The following GRXCR1 variants were observed in gnomAD, a reference collection of about 807,000 sequenced individuals.
GRXCR1 encodes glutaredoxin and cysteine rich domain containing 1, also known as glutaredoxin domain-containing cysteine-rich protein 1.
Under a neutral mutation model 27.3 loss-of-function variants are expected in GRXCR1, and 27 were observed. The ratio of observed to expected loss-of-function variants is 0.99; its 90% confidence interval spans 0.73 to 1.37. The LOEUF is 1.37. Among genes scored for constraint, GRXCR1 ranks in the 40% most tolerant of loss-of-function variants. GRXCR1 has a pLI of 0.00. For synonymous variants in GRXCR1, 122 were observed against 131.1 expected, an observed-to-expected ratio of 0.93 and a Z score of 0.47; for missense variants, 379 against 354.4, an observed-to-expected ratio of 1.07 and a Z score of -0.56.
At chr4:42,995,439 A>G (rs1712123720) in intron 2 of GRXCR1, among the ~76,000 whole-genome samples, 1 of 152,162 alleles carries the variant, frequency 6.6e-6, no homozygotes, top group East Asian at 1.9e-4. Context: ...TGGAAAAAAC[A>G]TTTTTGTTTA....
chr4:42,976,066 T>C (rs1439504473), intron 2 of GRXCR1, among the ~76,000 whole-genome samples: 2 of 152,158 alleles, frequency 1.3e-5, no homozygotes, highest in Non-Finnish European at 2.9e-5. Flanking sequence ...ACTTTGCCTC[T>C]TTGAGTTTTG....
At chr4:42,922,079 A>T (rs957087786) in intron 1 of GRXCR1, among the ~76,000 whole-genome samples, 16 of 152,176 alleles carry the variant, frequency 1.1e-4, no homozygotes, top group Non-Finnish European at 8.8e-5. Context: ...CTCTGTCTAA[A>T]TATTAAGAAG....
chr4:42,927,431 C>T (rs889317820), intron 1 of GRXCR1, among the ~76,000 whole-genome samples: 1 of 151,956 alleles, frequency 6.6e-6, no homozygotes, highest in African/African-American at 2.4e-5. Context: ...CTGAGAATGG[C>T]ATCTGACAGT....
chr4:42,893,166 C>G lies in GRXCR1; in HGVS notation c.-101C>G. 1 of 1,259,390 alleles carries G rather than the reference C, an allele frequency of 7.9e-7. No individual in the cohort carries two copies. The allele number at this position is 1,259,390 out of a possible 1,614,324, so 78.0% of individuals were successfully genotyped here. ...GATGTTAGTTTCACAGGAGTGCTGC[C>G]ATCACTAGAATTGGCTCTGATATTG... is the stretch of plus-strand genomic sequence containing the variant. On this transcript the variant is annotated 5_prime_UTR_variant, in exon 1 of 4. Coordinates refer to ENST00000399770, the MANE Select transcript of GRXCR1 (RefSeq NM_001080476.3).
intron 1 of GRXCR1, among the ~76,000 whole-genome samples, chr4:42,952,181 A>C (rs1747897020): frequency 6.6e-6 from 1 of 152,166 alleles, no homozygotes. Context: ...AGCATATCCC[A>C]AACAAATGTG....
At chr4:42,931,366 T>C (rs1052125642) in intron 1 of GRXCR1, among the ~76,000 whole-genome samples, 4 of 151,994 alleles carry the variant, frequency 2.6e-5, no homozygotes, top group Non-Finnish European at 5.9e-5. Context: ...TTGGGGTATA[T>C]GGGACTTTTC....
intron 1 of GRXCR1, among the ~76,000 whole-genome samples, chr4:42,915,254 C>G (rs1235722442): frequency 6.6e-6 from 1 of 152,044 alleles, no homozygotes; most frequent in Non-Finnish European, 1.5e-5. Flanking sequence ...GCCATCATAG[C>G]AAAGAATGGG....
chr4:42,944,793 A>T (rs139954354), intron 1 of GRXCR1, among the ~76,000 whole-genome samples: 1 of 152,290 alleles, frequency 6.6e-6, no homozygotes, highest in East Asian at 1.9e-4. Context: ...TGCCCAAAGC[A>T]TGTGAAAAAT....
At chr4:42,982,934 C>G (rs1457451238) in intron 2 of GRXCR1, among the ~76,000 whole-genome samples, 3 of 151,004 alleles carry the variant, frequency 2.0e-5, no homozygotes, top group African/African-American at 7.4e-5. Flanking sequence ...TGTTTGAGTT[C>G]ATTGTAGATT....
intron 1 of GRXCR1, among the ~76,000 whole-genome samples, chr4:42,945,696 G>A (rs999300955): frequency 6.6e-6 from 1 of 152,108 alleles, no homozygotes; most frequent in Non-Finnish European, 1.5e-5. Flanking sequence ...TAGATGATGT[G>A]AAGGGCACAG....
At chr4:42,904,648 G>A (rs529783511) in intron 1 of GRXCR1, among the ~76,000 whole-genome samples, 6 of 152,192 alleles carry the variant, frequency 3.9e-5, no homozygotes, top group African/African-American at 1.2e-4. Context: ...GAGTTATTGT[G>A]TATAAAGCAT....
intron 2 of GRXCR1, among the ~76,000 whole-genome samples, chr4:42,970,809 C>G (rs1037248805): frequency 6.6e-6 from 1 of 152,288 alleles, no homozygotes; most frequent in East Asian, 1.9e-4. Context: ...TTTCTTCAGC[C>G]AGCAGCTTGA....
intron 3 of GRXCR1, among the ~76,000 whole-genome samples, chr4:43,027,089 A>C (rs922027619): frequency 3.3e-5 from 5 of 152,238 alleles, no homozygotes; most frequent in African/African-American, 1.2e-4. Flanking sequence ...ATGTGACCAC[A>C]AGCAGTTTAG....
At chr4:42,990,063 T>C (rs561074022) in intron 2 of GRXCR1, among the ~76,000 whole-genome samples, 1 of 151,994 alleles carries the variant, frequency 6.6e-6, no homozygotes, top group South Asian at 2.1e-4. Context: ...TTTTTCTGCC[T>C]TTTTTGTTTC....
At chr4:43,001,121 G>A (rs1194984091) in intron 2 of GRXCR1, among the ~76,000 whole-genome samples, 1 of 149,864 alleles carries the variant, frequency 6.7e-6, no homozygotes, top group Non-Finnish European at 1.5e-5. Context: ...TTTTTGGAGA[G>A]ACAAGGTTTC....
chr4:42,909,567 T>C (rs1746670787), intron 1 of GRXCR1, among the ~76,000 whole-genome samples: 1 of 152,186 alleles, frequency 6.6e-6, no homozygotes, highest in Admixed American at 6.5e-5. Context: ...GAAAGTGCCA[T>C]CTGGTTAGCC....
intron 1 of GRXCR1, among the ~76,000 whole-genome samples, chr4:42,946,860 A>T (rs1422125935): frequency 6.6e-6 from 1 of 152,176 alleles, no homozygotes; most frequent in Non-Finnish European, 1.5e-5. Context: ...GTCTATGATC[A>T]TGTTTCAGAT....
At chr4:42,994,877 AT>A (rs1272191110) in intron 2 of GRXCR1, among the ~76,000 whole-genome samples, 1 of 152,022 alleles carries the variant, frequency 6.6e-6, no homozygotes, top group Non-Finnish European at 1.5e-5. Context: ...ATTTTCTTTA[AT>A]TTTTTATTGG....
chr4:42,977,903 T>G (rs1204675589), intron 2 of GRXCR1, among the ~76,000 whole-genome samples: 1 of 152,044 alleles, frequency 6.6e-6, no homozygotes, highest in Non-Finnish European at 1.5e-5. Flanking sequence ...AGAATTTGCC[T>G]TATGTTTTCT....
Sources: gnomAD v4.1 joint callset for allele counts (sites outside exome capture counted in the v4.1 genomes callset) on GRCh38, gnomAD v4.1.1 for gene constraint, MANE v1.5 for transcripts, NCBI Gene and HGNC (gene_info 2026-07-23, HGNC 2026-07-21) for gene names.